Variants in RCAN2 observed in about 807,000 individuals in gnomAD.
RCAN2 encodes calcipressin-2.
In RCAN2, 9 loss-of-function variants were observed where a neutral mutation model predicts 23.6. That is an observed-to-expected ratio of 0.38 (90% CI 0.23 to 0.67). RCAN2 has a LOEUF of 0.67. Ranked by LOEUF, RCAN2 falls within the 30% of genes least tolerant of loss-of-function variation. RCAN2 has a pLI of 0.51. For missense variants in RCAN2, 273 were observed against 302.3 expected, an observed-to-expected ratio of 0.90 and a Z score of 0.72; for synonymous variants, 109 against 115.7, an observed-to-expected ratio of 0.94 and a Z score of 0.37.
In RCAN2 at chr6:46,314,870, G is replaced by A. The variant is rs529246647; in HGVS notation, c.226-65974C>T. On this transcript the variant is annotated intron_variant, in intron 2 of 4. Coordinates refer to ENST00000371374, the MANE Select transcript of RCAN2 (RefSeq NM_001251974.2). ...GAGCTCAGGAGTTCAAGACCAGCCT[G>A]GGCAACATGGAAAAACCCTGTCGCT... Among the ~76,000 whole-genome samples, 53 of 152,250 alleles carry A rather than the reference G, an allele frequency of 3.5e-4. 2 individuals are homozygous for A. The South Asian group carries it at 9.6e-3, about 27-fold the overall frequency.
chr6:46,326,692 C>T (rs889159373), intron 2 of RCAN2, among the ~76,000 whole-genome samples: 1 of 152,164 alleles, frequency 6.6e-6, no homozygotes, highest in Admixed American at 6.5e-5. Flanking sequence ...AGTATCTATC[C>T]TTAAGAGTTC....
intron 1 of RCAN2, chr6:46,468,804 A>G: frequency 3.0e-6 from 3 of 985,068 alleles, no homozygotes; most frequent in Non-Finnish European, 3.6e-6. Flanking sequence ...GCTCACCTTT[A>G]ATCAGCACTT....
intron 2 of RCAN2, among the ~76,000 whole-genome samples, chr6:46,390,946 CA>C (rs1188563782): frequency 1.3e-5 from 2 of 152,090 alleles, no homozygotes; most frequent in Non-Finnish European, 1.5e-5. Flanking sequence ...AAATGAGTGG[CA>C]GGGGGGACCA....
intron 2 of RCAN2, among the ~76,000 whole-genome samples, chr6:46,426,267 C>G (rs113834226): frequency 6.6e-6 from 1 of 152,020 alleles, no homozygotes; most frequent in Non-Finnish European, 1.5e-5. Flanking sequence ...TCTTTTATTG[C>G]TATTTTAAAT....
Position 46,223,022 on chromosome 6 carries a change from A to C in RCAN2, c.*119T>G. On this transcript the variant is annotated 3_prime_UTR_variant, in exon 5 of 5. Coordinates refer to ENST00000371374, the MANE Select transcript of RCAN2 (RefSeq NM_001251974.2). ...CTTTTGTCCGAGAGGCTTGATAACA[A>C]GGAAGGAATCTCAAACAACCAAACA... The C allele has an allele frequency of 9.5e-7, 1 of 1,050,762 alleles. No individual in the cohort carries two copies. The highest frequency in any genetic ancestry group is 2.4e-5 in the East Asian group (1 of 41,932). 65.1% of individuals were successfully genotyped at this position (1,050,762 alleles called of 1,614,324 possible).
chr6:46,276,298 C>T (rs1253101392), intron 2 of RCAN2, among the ~76,000 whole-genome samples: 16 of 152,256 alleles, frequency 1.1e-4, no homozygotes, highest in Admixed American at 5.2e-4. Flanking sequence ...GAGGTTTCCT[C>T]GGAATATCTG....
intron 2 of RCAN2, among the ~76,000 whole-genome samples, chr6:46,340,902 A>G (rs1199407937): frequency 1.3e-5 from 2 of 152,238 alleles, no homozygotes; most frequent in African/African-American, 4.8e-5. Flanking sequence ...TTTCTTTTAA[A>G]GTTAATTTGA....
At chr6:46,234,405 A>C (rs1250144909) in intron 4 of RCAN2, among the ~76,000 whole-genome samples, 2 of 152,162 alleles carry the variant, frequency 1.3e-5, no homozygotes, top group Non-Finnish European at 2.9e-5. Context: ...CTCTACCACA[A>C]GGGCTGACGT....
At chr6:46,275,928 C>T (rs1484972702) in intron 2 of RCAN2, among the ~76,000 whole-genome samples, 1 of 152,202 alleles carries the variant, frequency 6.6e-6, no homozygotes, top group Non-Finnish European at 1.5e-5. Flanking sequence ...AATATTTGGG[C>T]TAGGCGTGGT....
At chr6:46,430,592 T>C (rs564626442) in intron 2 of RCAN2, among the ~76,000 whole-genome samples, 2 of 152,326 alleles carry the variant, frequency 1.3e-5, no homozygotes, top group Admixed American at 1.3e-4. Context: ...ACTTTTATAA[T>C]TTAATTCAAT....
chr6:46,439,636 A>G (rs1767472475), intron 2 of RCAN2, among the ~76,000 whole-genome samples: 1 of 152,162 alleles, frequency 6.6e-6, no homozygotes, highest in Admixed American at 6.5e-5. Context: ...AAACTCAGAG[A>G]TGTTTCTGGG....
chr6:46,302,358 G>T (rs1762929253), intron 2 of RCAN2, among the ~76,000 whole-genome samples: 1 of 152,062 alleles, frequency 6.6e-6, no homozygotes, highest in South Asian at 2.1e-4. Context: ...TTGGATCTCA[G>T]TAACAGGAGA....
At position 46,478,071 on chromosome 6, in the gene RCAN2, C is replaced by T. The variant is rs115325186; in HGVS notation, c.-3+13102G>A. Reference sequence around the variant, plus strand: ...CCATCGGTCATTTTCATGAAATATTCCAAGGATGCTACGATGATTTCTTGC... The same window carrying T: ...CCATCGGTCATTTTCATGAAATATTTCAAGGATGCTACGATGATTTCTTGC... On this transcript the variant is annotated intron_variant, in intron 1 of 4. Transcript: ENST00000371374. Among the ~76,000 whole-genome samples, 633 of 152,230 alleles carry T rather than the reference C, an allele frequency of 4.2e-3. 4 individuals are homozygous for T. Among genetic ancestry groups the T allele is most frequent in the African/African-American group, 0.014 (597 of 41,522 alleles).
At chr6:46,286,962 G>A (rs932713774) in intron 2 of RCAN2, among the ~76,000 whole-genome samples, 5 of 151,930 alleles carry the variant, frequency 3.3e-5, no homozygotes, top group East Asian at 1.9e-4. Flanking sequence ...CCGAGATCGC[G>A]CCGTTGTACT....
chr6:46,232,571 C>A (rs1765934668), intron 4 of RCAN2, among the ~76,000 whole-genome samples: 1 of 151,978 alleles, frequency 6.6e-6, no homozygotes, highest in African/African-American at 2.4e-5. Flanking sequence ...GTGGGCAGGT[C>A]ACTTGAGGTT....
chr6:46,390,994 T>A (rs887777706), intron 2 of RCAN2, among the ~76,000 whole-genome samples: 5 of 152,144 alleles, frequency 3.3e-5, no homozygotes, highest in African/African-American at 1.2e-4. Context: ...CAAAGGAAGC[T>A]GAGGCAAAGT....
chr6:46,329,007 C>G (rs529293661), intron 2 of RCAN2, among the ~76,000 whole-genome samples: 5 of 152,260 alleles, frequency 3.3e-5, no homozygotes, highest in South Asian at 2.1e-4. Context: ...CTTGTAAACA[C>G]TAGACTTGGA....
At chr6:46,235,982 A>G (rs190753899) in intron 4 of RCAN2, among the ~76,000 whole-genome samples, 1 of 152,368 alleles carries the variant, frequency 6.6e-6, no homozygotes, top group East Asian at 1.9e-4. Flanking sequence ...AACAACACTC[A>G]TATCACTGGG....
rs1333116204 is a variant in RCAN2 at position 46,223,311 on chromosome 6, A to C, written c.572-10T>G. 1.9e-6 allele frequency: 3 copies of C among 1,610,916 alleles called. No homozygotes were observed. Among genetic ancestry groups the C allele is most frequent in the South Asian group, 1.1e-5 (1 of 90,568 alleles). On this transcript the variant is annotated splice_polypyrimidine_tract_variant and intron_variant, in intron 4 of 4. Transcript: ENST00000371374. ...AGCTCATACTTCTCTCCTGAAAAGC[A>C]AGAAAAATGGAAGTGAGAAAGAGGG...
Sources: gnomAD v4.1 joint callset for allele counts (sites outside exome capture counted in the v4.1 genomes callset) on GRCh38, gnomAD v4.1.1 for gene constraint, MANE v1.5 for transcripts, NCBI Gene and HGNC (gene_info 2026-07-23, HGNC 2026-07-21) for gene names.